Variants in GALNT18 observed in about 807,000 individuals in gnomAD.
GALNT18 encodes polypeptide N-acetylgalactosaminyltransferase 18.
Under a neutral mutation model 69.5 loss-of-function variants are expected in GALNT18, and 44 were observed. That is an observed-to-expected ratio of 0.63 (90% CI 0.50 to 0.81). GALNT18 has a LOEUF of 0.81. GALNT18 is among the 40% of genes least tolerant of loss of function. The pLI, the probability that GALNT18 is intolerant of heterozygous loss-of-function variation, is 0.00. For missense variants in GALNT18, 715 were observed against 810.0 expected (o/e 0.88, Z 1.42); for synonymous variants, 364 against 318.2 (o/e 1.14, Z -1.53).
Position 11,562,318 on chromosome 11 carries a change from C to T in GALNT18, c.235+59041G>A, listed in dbSNP as rs763130255. Among the ~76,000 whole-genome samples, 84 of 152,106 alleles carry T rather than the reference C, an allele frequency of 5.5e-4. No homozygotes were observed. Among genetic ancestry groups the T allele is most frequent in the African/African-American group, 1.5e-3 (63 of 41,420 alleles). On this transcript the variant is annotated intron_variant, in intron 1 of 10. Transcript: ENST00000227756. The surrounding 1 kb of genome is among the most constrained non-coding windows in gnomAD (Gnocchi z 4.1). The stretch of plus-strand genomic sequence containing the variant: ...TATGCCCCTAGTGTGTGTCTGTCTG[C>T]GTGTCCATGTTTCCCCTTTAGATGT...
rs1856885896 is a variant in GALNT18 at position 11,497,349 on chromosome 11, CACACACACACACACACACACA to C, written c.236-48434_236-48414del. ...TCCAACACACACACACACACACACA[CACACACACACACACACACACA>C]CCCCTTAGAATGGGGCTCCTTAAGA... On this transcript the variant is annotated intron_variant, in intron 1 of 10. Coordinates refer to ENST00000227756, the MANE Select transcript of GALNT18 (RefSeq NM_198516.3). This position sits in a 1 kb window ranked among gnomAD's most constrained non-coding sequence, Gnocchi z 4.2. 6.6e-6 allele frequency among the ~76,000 whole-genome samples: 1 copy of C among 150,808 alleles called. No homozygotes were observed. The highest frequency in any genetic ancestry group is 6.6e-5 in the Admixed American group (1 of 15,094).
At chr11:11,440,983 C>G (rs770427703) in intron 2 of GALNT18, among the ~76,000 whole-genome samples, 1 of 152,206 alleles carries the variant, frequency 6.6e-6, no homozygotes, top group Non-Finnish European at 1.5e-5. Context: ...GTTTTAACTA[C>G]TACTCTATAA....
At chr11:11,549,628 GC>G (rs1413404176) in intron 1 of GALNT18, among the ~76,000 whole-genome samples, 1 of 152,214 alleles carries the variant, frequency 6.6e-6, no homozygotes, top group East Asian at 1.9e-4. Flanking sequence ...CCACTGGCTA[GC>G]TTTTCTGGCC....
intron 10 of GALNT18, among the ~76,000 whole-genome samples, chr11:11,287,858 G>C (rs1044349655): frequency 3.9e-5 from 6 of 152,086 alleles, no homozygotes; most frequent in African/African-American, 1.4e-4. Flanking sequence ...CACAGGGCTG[G>C]CAATGGTCCT....
At position 11,400,299 on chromosome 11, in the gene GALNT18, C is replaced by A. The variant is rs1854431071; in HGVS notation, c.596-21035G>T. On this transcript the variant is annotated intron_variant, in intron 3 of 10. Transcript: ENST00000227756. ...GATTCCTGACACTCAAAATTGTGTG[C>A]AGTAACATGCCTTTGTTGCTTTAAC... Among the ~76,000 whole-genome samples, 3 of 152,212 alleles carry A rather than the reference C, an allele frequency of 2.0e-5. No homozygotes were observed. The South Asian group carries it at 6.2e-4, about 32-fold the overall frequency.
intron 1 of GALNT18, among the ~76,000 whole-genome samples, chr11:11,510,807 T>A (rs186821703): frequency 6.6e-6 from 1 of 152,180 alleles, no homozygotes; most frequent in Non-Finnish European, 1.5e-5. Flanking sequence ...GCTGGGCACA[T>A]TGCAACATCA....
intron 1 of GALNT18, among the ~76,000 whole-genome samples, chr11:11,544,904 C>T (rs536380597): frequency 9.8e-5 from 15 of 152,340 alleles, no homozygotes; most frequent in South Asian, 4.1e-4. Flanking sequence ...CTAGACCACA[C>T]GACTTGTAAG....
chr11:11,383,049 C>G lies in GALNT18; in HGVS notation c.596-3785G>C, dbSNP rs375984420. The stretch of plus-strand genomic sequence containing the variant: ...AGCTCTCTCCTACTGTCCACAAATC[C>G]CTGATCTCCTGACATTGGAGGGACC... On this transcript the variant is annotated intron_variant, in intron 3 of 10. Transcript: ENST00000227756. This position sits in a 1 kb window ranked among gnomAD's most constrained non-coding sequence, Gnocchi z 5.2. Among the ~76,000 whole-genome samples the G allele has an allele frequency of 1.1e-4, 16 of 152,240 alleles. 1 individual carries two copies. In the South Asian group the frequency reaches 2.9e-3, roughly 28 times the overall value.
chr11:11,424,157 C>A (rs892761750), intron 3 of GALNT18, among the ~76,000 whole-genome samples: 1 of 152,238 alleles, frequency 6.6e-6, no homozygotes, highest in Admixed American at 6.5e-5. Context: ...CCAGCCATCA[C>A]CTGCACCCAA....
intron 10 of GALNT18, among the ~76,000 whole-genome samples, chr11:11,276,835 C>T (rs1162174584): frequency 6.6e-6 from 1 of 152,178 alleles, no homozygotes; most frequent in Non-Finnish European, 1.5e-5. Context: ...GTATGTTGAA[C>T]CAGCCTCGCA....
chr11:11,405,699 C>G (rs1854574322), intron 3 of GALNT18, among the ~76,000 whole-genome samples: 1 of 152,238 alleles, frequency 6.6e-6, no homozygotes, highest in Non-Finnish European at 1.5e-5. Context: ...TTTGTCCAAT[C>G]TGCAAGCTGG....
rs1000890102 is a variant in GALNT18, at chr11:11,540,040, A to G, written c.235+81319T>C. 2.0e-5 allele frequency among the ~76,000 whole-genome samples: 3 copies of G among 152,332 alleles called. No homozygotes were observed. Among genetic ancestry groups the G allele is most frequent in the Non-Finnish European group, 2.9e-5 (2 of 68,028 alleles). On this transcript the variant is annotated intron_variant, in intron 1 of 10. Coordinates refer to ENST00000227756, the MANE Select transcript of GALNT18 (RefSeq NM_198516.3). The surrounding 1 kb of genome is among the most constrained non-coding windows in gnomAD (Gnocchi z 4.6). ...CAGGGGACCCCGATGCCAGTCCGGC[A>G]CTTGCAGCCTGGCCTCTGGGCTGGC...
rs1850931674 is a variant in GALNT18 at position 11,372,462 on chromosome 11, A to G, written c.1092+53T>C. The G allele has an allele frequency of 7.0e-7, 1 of 1,421,018 alleles. No individual in the cohort carries two copies. Among genetic ancestry groups the G allele is most frequent in the Non-Finnish European group, 1.0e-6 (1 of 1,004,284 alleles). 88.0% of individuals were successfully genotyped at this position (1,421,018 alleles called of 1,614,324 possible). A position where few individuals can be genotyped will look rare whatever the true frequency, so the allele number is the denominator to read the frequency against. Reference sequence around the variant, plus strand: ...ACCCCATTTCTCCACCCCCAGACTCATTCACCCTGGTGGGAGCTGAGCCGA... The same window carrying G: ...ACCCCATTTCTCCACCCCCAGACTCGTTCACCCTGGTGGGAGCTGAGCCGA... On this transcript the variant is annotated intron_variant, in intron 6 of 10. Transcript: ENST00000227756. The surrounding 1 kb of genome is among the most constrained non-coding windows in gnomAD (Gnocchi z 4.9).
intron 1 of GALNT18, among the ~76,000 whole-genome samples, chr11:11,450,788 G>A (rs572637035): frequency 6.6e-6 from 1 of 152,292 alleles, no homozygotes; most frequent in Non-Finnish European, 1.5e-5. Flanking sequence ...CTATAAGGTA[G>A]GAATTGTTGT....
At chr11:11,516,914 A>C (rs1287970071) in intron 1 of GALNT18, among the ~76,000 whole-genome samples, 1 of 152,216 alleles carries the variant, frequency 6.6e-6, no homozygotes, top group Non-Finnish European at 1.5e-5. Context: ...ATATGAACCC[A>C]CAAAGTTCAT....
Position 11,558,331 on chromosome 11 carries a change from C to T in GALNT18, c.235+63028G>A, listed in dbSNP as rs569684156. Reference sequence around the variant, plus strand: ...AAAAGGCAATACCTTGTAATAGATGCAATGGGATCCTTGATTTTCTCTAGA... The same window carrying T: ...AAAAGGCAATACCTTGTAATAGATGTAATGGGATCCTTGATTTTCTCTAGA... On this transcript the variant is annotated intron_variant, in intron 1 of 10. Coordinates refer to ENST00000227756, the MANE Select transcript of GALNT18 (RefSeq NM_198516.3). Among the ~76,000 whole-genome samples the T allele has an allele frequency of 4.6e-5, 7 of 152,238 alleles. No homozygotes were observed. The East Asian group carries it at 1.2e-3, about 25-fold the overall frequency.
intron 2 of GALNT18, among the ~76,000 whole-genome samples, chr11:11,437,141 C>T (rs1354971651): frequency 6.6e-6 from 1 of 152,168 alleles, no homozygotes; most frequent in Non-Finnish European, 1.5e-5. Context: ...GGGCTGAGGA[C>T]ACAGAGCTCT....
rs1196153393 is a variant in GALNT18, at chr11:11,562,602, A to G, written c.235+58757T>C. ...CACCATCAAACCTGCCTCCTACCCC[A>G]GCAACCCCATGGCACAGCACAATTT... On this transcript the variant is annotated intron_variant, in intron 1 of 10. Coordinates refer to ENST00000227756, the MANE Select transcript of GALNT18 (RefSeq NM_198516.3). The surrounding 1 kb of genome is among the most constrained non-coding windows in gnomAD (Gnocchi z 4.1). Among the ~76,000 whole-genome samples the G allele has an allele frequency of 6.6e-6, 1 of 152,090 alleles. No individual in the cohort carries two copies. Among genetic ancestry groups the G allele is most frequent in the East Asian group, 1.9e-4 (1 of 5,194 alleles).
In GALNT18 at chr11:11,584,104, G is replaced by A. The variant is rs111300853; in HGVS notation, c.235+37255C>T. Reference sequence around the variant, plus strand: ...GCAGAAAAGAGATAAGAGGACATACGGAGAGAAGTAAAAAGGGGAAGTAGA... The same window carrying A: ...GCAGAAAAGAGATAAGAGGACATACAGAGAGAAGTAAAAAGGGGAAGTAGA... On this transcript the variant is annotated intron_variant, in intron 1 of 10. Coordinates refer to ENST00000227756, the MANE Select transcript of GALNT18 (RefSeq NM_198516.3). This position sits in a 1 kb window ranked among gnomAD's most constrained non-coding sequence, Gnocchi z 4.1. Among the ~76,000 whole-genome samples, 8 of 151,978 alleles carry A rather than the reference G, an allele frequency of 5.3e-5. No individual in the cohort carries two copies. The highest frequency in any genetic ancestry group is 8.8e-5 in the Non-Finnish European group (6 of 67,994).
Sources: allele counts gnomAD v4.1 joint callset (sites outside exome capture counted in the v4.1 genomes callset), GRCh38; gene constraint gnomAD v4.1.1; non-coding constraint Gnocchi (gnomAD v3.1); transcripts MANE v1.5; gene names NCBI Gene and HGNC (gene_info 2026-07-23, HGNC 2026-07-21).